The following CLEC16A variants were observed in gnomAD, a reference collection of about 807,000 sequenced individuals.
CLEC16A encodes C-type lectin domain containing 16A, also known as protein CLEC16A.
Under a neutral mutation model 109.5 loss-of-function variants are expected in CLEC16A, and 51 were observed. The ratio of observed to expected loss-of-function variants is 0.47; its 90% CI spans 0.37 to 0.59. The LOEUF (loss-of-function observed/expected upper bound fraction) is 0.59, where lower values mean the gene tolerates loss of function less well. Ranked by LOEUF, CLEC16A falls within the 20% of genes least tolerant of loss-of-function variation. The pLI is 0.00. For synonymous variants in CLEC16A, 673 were observed against 564.2 expected (o/e 1.19, Z -2.73); for missense variants, 1,339 against 1,394.0 (o/e 0.96, Z 0.63).
intron 11 of CLEC16A, among the ~76,000 whole-genome samples, chr16:11,015,554 C>T (rs2045695181): frequency 6.6e-6 from 1 of 152,216 alleles, no homozygotes; most frequent in Admixed American, 6.5e-5. Flanking sequence ...ATGCCCACCA[C>T]CCTTTCCTGG....
At chr16:11,109,717 G>T (rs879319011) in intron 19 of CLEC16A, among the ~76,000 whole-genome samples, 2 of 152,230 alleles carry the variant, frequency 1.3e-5, no homozygotes, top group Non-Finnish European at 2.9e-5. Flanking sequence ...TGTCCTATCA[G>T]CTGTGGGCCC....
chr16:11,030,589 C>T (rs1034919138), intron 13 of CLEC16A, among the ~76,000 whole-genome samples: 1 of 152,102 alleles, frequency 6.6e-6, no homozygotes, highest in Admixed American at 6.5e-5. Context: ...ATCCTTAGCC[C>T]GTTTTTTAAA....
chr16:11,171,385 C>T (rs1458313811), intron 23 of CLEC16A, among the ~76,000 whole-genome samples: 2 of 152,192 alleles, frequency 1.3e-5, no homozygotes, highest in Non-Finnish European at 2.9e-5. Flanking sequence ...GAGTCAACAC[C>T]GAACTCCCTG....
chr16:10,969,357 C>CTTTTTT, intron 4 of CLEC16A, 48 bp downstream of exon 4: 1 of 999,056 alleles, frequency 1.0e-6, no homozygotes, highest in Non-Finnish European at 1.4e-6. Context: ...CCACACGTGG[C>CTTTTTT]TTTTTTTTTT....
intron 19 of CLEC16A, among the ~76,000 whole-genome samples, chr16:11,087,900 G>C (rs750533443): frequency 6.6e-6 from 1 of 152,220 alleles, no homozygotes; most frequent in African/African-American, 2.4e-5. Flanking sequence ...GGAAGTGTCT[G>C]AGAAGCTGGT....
chr16:10,976,348 T>TC (rs2043029682), intron 7 of CLEC16A, among the ~76,000 whole-genome samples: 1 of 150,272 alleles, frequency 6.7e-6, no homozygotes, highest in East Asian at 1.9e-4. Flanking sequence ...TGTTTTTACT[T>TC]TTTTTTTTTC....
At chr16:10,970,975 A>G in intron 4 of CLEC16A, 150 bp from the exon 5 acceptor site, 1 of 604,240 alleles carries the variant, frequency 1.7e-6, no homozygotes, top group Non-Finnish European at 2.9e-6. Flanking sequence ...CCCATTGGGA[A>G]TGAACCACTG....
At chr16:11,026,420 T>C (rs1008891898) in intron 13 of CLEC16A, among the ~76,000 whole-genome samples, 2 of 152,202 alleles carry the variant, frequency 1.3e-5, no homozygotes, top group Admixed American at 1.3e-4. Flanking sequence ...TCATTTCATC[T>C]GAACTGTCAA....
At chr16:10,983,118 G>A (rs547282185) in intron 10 of CLEC16A, 127 bp downstream of exon 10, 56 of 586,278 alleles carry the variant, frequency 9.6e-5, no homozygotes, top group Middle Eastern at 4.7e-4. Context: ...AAGCTGGTCC[G>A]GGATTCAGTG....
intron 1 of CLEC16A, among the ~76,000 whole-genome samples, chr16:10,948,095 G>T (rs112616898): frequency 7.9e-5 from 12 of 152,164 alleles, no homozygotes; most frequent in Non-Finnish European, 8.8e-5. Context: ...GGGTTTCACC[G>T]TGTTAGCCAG....
chr16:11,075,360 CTG>C (rs1486724092), intron 19 of CLEC16A, among the ~76,000 whole-genome samples: 1 of 149,818 alleles, frequency 6.7e-6, no homozygotes, highest in Admixed American at 6.7e-5. Flanking sequence ...CAGCCCAGCA[CTG>C]TGACCTTGGA....
chr16:11,081,088 A>ACAGG (rs1384169885), intron 19 of CLEC16A, among the ~76,000 whole-genome samples: 1 of 152,202 alleles, frequency 6.6e-6, no homozygotes, highest in African/African-American at 2.4e-5. Context: ...AAGCAGATGA[A>ACAGG]CAGGCAGGCA....
At chr16:10,994,021 C>G (rs1189046421) in intron 10 of CLEC16A, among the ~76,000 whole-genome samples, 3 of 152,230 alleles carry the variant, frequency 2.0e-5, no homozygotes, top group African/African-American at 7.2e-5. Flanking sequence ...TGCTCCTCAT[C>G]TCAGCGTCAA....
At chr16:11,079,293 C>T (rs553492530) in intron 19 of CLEC16A, among the ~76,000 whole-genome samples, 1 of 152,220 alleles carries the variant, frequency 6.6e-6, no homozygotes, top group African/African-American at 2.4e-5. Flanking sequence ...ATAAAAATGC[C>T]TTAGGAGTAG....
chr16:11,126,470 A>G, intron 22 of CLEC16A: 4 of 1,175,996 alleles, frequency 3.4e-6, no homozygotes, highest in Non-Finnish European at 4.6e-6. Context: ...TGGGAGAGTA[A>G]TTTCCTTCTC....
chr16:11,174,671 A>G lies in CLEC16A; in HGVS notation c.2807-3664A>G, dbSNP rs1383984688. Among the ~76,000 whole-genome samples the G allele has an allele frequency of 3.9e-5, 6 of 152,402 alleles. No homozygotes were observed. The highest frequency in any genetic ancestry group is 2.1e-4 in the South Asian group (1 of 4,834). ...GTTTAGGCCATGGGGGTTGGGCGGC[A>G]GTTGGCTGGCAAAGTGAGAATTTGT... is the stretch of plus-strand genomic sequence containing the variant. On this transcript the variant is annotated intron_variant, in intron 23 of 23. Transcript: ENST00000409790. This position sits in a 1 kb window ranked among gnomAD's most constrained non-coding sequence, Gnocchi z 4.7.
intron 7 of CLEC16A, among the ~76,000 whole-genome samples, chr16:10,976,545 T>C (rs1279285842): frequency 1.3e-5 from 2 of 152,214 alleles, no homozygotes; most frequent in East Asian, 3.8e-4. Context: ...TAATTTGCTG[T>C]TGTCAAAAAT....
At chr16:11,166,104 G>C (rs2068248952) in intron 22 of CLEC16A, among the ~76,000 whole-genome samples, 1 of 152,248 alleles carries the variant, frequency 6.6e-6, no homozygotes, top group Non-Finnish European at 1.5e-5. Context: ...CTGGCACGCT[G>C]CTGAGCCAGT....
chr16:11,048,997 G>A (rs2047783325), intron 17 of CLEC16A, among the ~76,000 whole-genome samples: 1 of 143,438 alleles, frequency 7.0e-6, no homozygotes. Flanking sequence ...CTGAAATTCT[G>A]AGCCTTGATT....
Sources: allele counts gnomAD v4.1 joint callset (sites outside exome capture counted in the v4.1 genomes callset), GRCh38; gene constraint gnomAD v4.1.1; non-coding constraint Gnocchi (gnomAD v3.1); transcripts MANE v1.5; gene names NCBI Gene and HGNC (gene_info 2026-07-23, HGNC 2026-07-21).